Variants in SEMA6D observed in about 807,000 individuals in gnomAD.
SEMA6D encodes semaphorin 6D.
A neutral mutation model predicts 106.6 loss-of-function variants in SEMA6D; 35 were observed. The observed-to-expected ratio is 0.33, with a 90% CI of 0.25 to 0.44. The LOEUF (loss-of-function observed/expected upper bound fraction) is 0.44, where lower values mean the gene tolerates loss of function less well. Ranked by LOEUF, SEMA6D falls within the 20% of genes least tolerant of loss-of-function variation. SEMA6D has a pLI of 1.00. For missense variants in SEMA6D, 1,185 were observed against 1,345.9 expected, an observed-to-expected ratio of 0.88 and a Z score of 1.87; for synonymous variants, 499 against 487.7, an observed-to-expected ratio of 1.02 and a Z score of -0.31.
chr15:47,714,867 T>G (rs1411734452), upstream of SEMA6D, among the ~76,000 whole-genome samples: 2 of 152,340 alleles, frequency 1.3e-5, no homozygotes, highest in East Asian at 3.9e-4. Context: ...TTAACAAGTA[T>G]TTATTGGGCG....
At chr15:47,451,885 C>A (rs913401709) in intron 2 of SEMA6D, among the ~76,000 whole-genome samples, 2 of 151,944 alleles carry the variant, frequency 1.3e-5, no homozygotes, top group African/African-American at 4.8e-5. Context: ...TTGAATGGTA[C>A]ATTAAAAATG....
chr15:47,319,571 G>T (rs933720474), intron 1 of SEMA6D, among the ~76,000 whole-genome samples: 1 of 152,002 alleles, frequency 6.6e-6, no homozygotes, highest in African/African-American at 2.4e-5. Flanking sequence ...AAAACAGGAT[G>T]GGGTGGAATA....
intron 1 of SEMA6D, among the ~76,000 whole-genome samples, chr15:47,335,899 A>G (rs1595757792): frequency 6.6e-6 from 1 of 152,144 alleles, no homozygotes; most frequent in South Asian, 2.1e-4. Flanking sequence ...GACCGGATGG[A>G]GCCTGTGATG....
At chr15:47,201,977 G>A (rs1413482346) in intron 1 of SEMA6D, among the ~76,000 whole-genome samples, 1 of 152,002 alleles carries the variant, frequency 6.6e-6, no homozygotes, top group Non-Finnish European at 1.5e-5. Flanking sequence ...AGCTTATGCT[G>A]CCTTCCTTAT....
intron 1 of SEMA6D, among the ~76,000 whole-genome samples, chr15:47,196,102 CGTTGTAGGTCCACTAGGACTG>C (rs1191224304): frequency 7.2e-5 from 11 of 151,770 alleles, no homozygotes; most frequent in African/African-American, 2.7e-4. Context: ...ATAGCCCACA[CGTTGTAGGTCCACTAGGACTG>C]GAGGGAAGTA....
chr15:47,352,751 G>A (rs1005638587), intron 1 of SEMA6D, among the ~76,000 whole-genome samples: 10 of 152,118 alleles, frequency 6.6e-5, no homozygotes, highest in African/African-American at 9.7e-5. Context: ...TTTGAGGGTC[G>A]AATTGAATAG....
At chr15:47,612,651 GTGT>G (rs2076930811) in intron 4 of SEMA6D, among the ~76,000 whole-genome samples, 1 of 152,186 alleles carries the variant, frequency 6.6e-6, no homozygotes, top group African/African-American at 2.4e-5. Flanking sequence ...CTTAGAAAAT[GTGT>G]CAGAGAGAAA....
Position 47,661,737 on chromosome 15 carries a change from T to TA in SEMA6D, c.-55+60842dup, listed in dbSNP as rs374350652. ...GCAAAGCAAAACCGCGTTGCCTAGT[T>TA]ACAGAGAGATTTTTGCTCTAAATGT... is the stretch of plus-strand genomic sequence containing the variant. On this transcript the variant is annotated intron_variant, in intron 4 of 19. Coordinates refer to the SEMA6D transcript ENST00000558014. 6.1e-4 allele frequency among the ~76,000 whole-genome samples: 93 copies of TA among 152,332 alleles called. 2 individuals are homozygous for TA. The highest frequency in any genetic ancestry group is 2.2e-3 in the African/African-American group (90 of 41,574).
chr15:47,249,346 CT>C (rs1382054026), intron 1 of SEMA6D, among the ~76,000 whole-genome samples: 1 of 152,138 alleles, frequency 6.6e-6, no homozygotes, highest in African/African-American at 2.4e-5. Context: ...CATTTGCACT[CT>C]TATTAAATAT....
chr15:47,730,367 C>A (rs2080037756), intron 1 of SEMA6D: 2 of 1,443,782 alleles, frequency 1.4e-6, no homozygotes, highest in East Asian at 2.3e-5. Flanking sequence ...GTGGACTAGA[C>A]GTCCCAGTCT....
intron 1 of SEMA6D, among the ~76,000 whole-genome samples, chr15:47,313,633 T>TAA: frequency 6.6e-6 from 1 of 152,170 alleles, no homozygotes. Context: ...GACACCATCA[T>TAA]AGCTCATTGT....
At chr15:47,438,278 C>T (rs1157187684) in intron 2 of SEMA6D, among the ~76,000 whole-genome samples, 3 of 152,088 alleles carry the variant, frequency 2.0e-5, no homozygotes, top group Admixed American at 2.0e-4. Flanking sequence ...AGGCTACCAT[C>T]ATCTCTTGAT....
chr15:47,611,899 A>G (rs2076913459), intron 4 of SEMA6D, among the ~76,000 whole-genome samples: 1 of 152,236 alleles, frequency 6.6e-6, no homozygotes, highest in South Asian at 2.1e-4. Context: ...TGGAAAATAC[A>G]TGTAAGAACT....
intron 1 of SEMA6D, among the ~76,000 whole-genome samples, chr15:47,213,393 C>G (rs964215978): frequency 1.2e-4 from 19 of 152,156 alleles, no homozygotes; most frequent in African/African-American, 4.3e-4. Context: ...CCAGCGCTAC[C>G]ACATTGGACA....
intron 3 of SEMA6D, among the ~76,000 whole-genome samples, chr15:47,598,156 A>G (rs1487328844): frequency 6.6e-6 from 1 of 152,002 alleles, no homozygotes; most frequent in Non-Finnish European, 1.5e-5. Flanking sequence ...GGAAATCTCA[A>G]GGGGTGATAA....
At chr15:47,521,977 T>A (rs2044596596) in intron 3 of SEMA6D, among the ~76,000 whole-genome samples, 1 of 145,798 alleles carries the variant, frequency 6.9e-6, no homozygotes, top group African/African-American at 2.6e-5. Flanking sequence ...AGAGCGAGAC[T>A]CCGTCTCAAA....
chr15:47,329,091 G>C (rs1401098985), intron 1 of SEMA6D, among the ~76,000 whole-genome samples: 1 of 152,168 alleles, frequency 6.6e-6, no homozygotes, highest in East Asian at 1.9e-4. Context: ...GCCTGACATG[G>C]TTCTTGGTGC....
At chr15:47,745,439 A>T (rs771203463) in intron 1 of SEMA6D, among the ~76,000 whole-genome samples, 2 of 152,242 alleles carry the variant, frequency 1.3e-5, no homozygotes, top group Non-Finnish European at 1.5e-5. Flanking sequence ...CTCCAGAGCC[A>T]TGTTCTCTAC....
intron 3 of SEMA6D, among the ~76,000 whole-genome samples, chr15:47,552,474 GTGTGTGTGTGTC>G (rs1226786336): frequency 2.0e-5 from 3 of 148,444 alleles, no homozygotes; most frequent in South Asian, 2.2e-4. Flanking sequence ...ATGTATGTGT[GTGTGTGTGTGTC>G]TGTGTGTGTA....
Sources: allele counts gnomAD v4.1 joint callset (sites outside exome capture counted in the v4.1 genomes callset), GRCh38; gene constraint gnomAD v4.1.1; transcripts MANE v1.5; gene names NCBI Gene and HGNC (gene_info 2026-07-23, HGNC 2026-07-21).